Variants in NLGN1 observed in about 807,000 individuals in gnomAD.
NLGN1 encodes neuroligin 1.
NLGN1 carries 12 observed loss-of-function variants against 65.5 expected under a neutral mutation model. The observed-to-expected ratio is 0.18, with a 90% CI of 0.12 to 0.30. The LOEUF (loss-of-function observed/expected upper bound fraction) is 0.30, where lower values mean the gene tolerates loss of function less well. NLGN1 is among the 10% of genes least tolerant of loss of function. NLGN1 has a pLI of 1.00. For missense variants in NLGN1, 750 were observed against 1,007.1 expected, an observed-to-expected ratio of 0.74 and a Z score of 3.46; for synonymous variants, 350 against 359.5, an observed-to-expected ratio of 0.97 and a Z score of 0.30.
intron 3 of NLGN1, among the ~76,000 whole-genome samples, chr3:173,611,498 A>G (rs928017027): frequency 6.6e-6 from 1 of 152,098 alleles, no homozygotes; most frequent in African/African-American, 2.4e-5. Context: ...TGCTAGTAGA[A>G]AAATCACCAC....
chr3:174,091,901 G>A (rs1744589662), intron 4 of NLGN1, among the ~76,000 whole-genome samples: 2 of 152,054 alleles, frequency 1.3e-5, no homozygotes, highest in Admixed American at 6.6e-5. Context: ...AGTCCCAAAG[G>A]GAAGAGCAAT....
chr3:174,107,760 G>C (rs1356310693), intron 4 of NLGN1, among the ~76,000 whole-genome samples: 1 of 152,084 alleles, frequency 6.6e-6, no homozygotes, highest in Non-Finnish European at 1.5e-5. Context: ...CACCAGCAAT[G>C]TATGAGTGAT....
exon 4 of NLGN1, chr3:173,807,739 A>G (rs1716971200): frequency 1.2e-6 from 2 of 1,613,654 alleles, no homozygotes; most frequent in East Asian, 2.2e-5. Context: ...TGGCTCATAT[A>G]TGGAAGGTAC....
At chr3:173,799,680 C>T (rs576235443) in intron 3 of NLGN1, among the ~76,000 whole-genome samples, 1 of 151,744 alleles carries the variant, frequency 6.6e-6, no homozygotes, top group Non-Finnish European at 1.5e-5. Context: ...CTTAAATCCA[C>T]AAGTAATATT....
At chr3:174,284,176 A>T (rs913904738) in exon 7 of NLGN1, 1 of 151,308 alleles carries the variant, frequency 6.6e-6, no homozygotes, top group Non-Finnish European at 1.5e-5. Context: ...TTTATGGAAG[A>T]TAAAGCAGCC....
chr3:173,777,611 G>C (rs1780492471), intron 3 of NLGN1, among the ~76,000 whole-genome samples: 1 of 118,632 alleles, frequency 8.4e-6, no homozygotes, highest in Admixed American at 7.6e-5. Flanking sequence ...AATGTATTCT[G>C]TCTGTCTGTC....
At chr3:173,863,189 T>A (rs913316303) in intron 4 of NLGN1, among the ~76,000 whole-genome samples, 41 of 152,110 alleles carry the variant, frequency 2.7e-4, no homozygotes, top group Non-Finnish European at 7.4e-5. Context: ...TTTGTATATA[T>A]GTTCCTTTTT....
intron 3 of NLGN1, among the ~76,000 whole-genome samples, chr3:173,647,795 C>A (rs1758511762): frequency 6.6e-6 from 1 of 151,810 alleles, no homozygotes; most frequent in Non-Finnish European, 1.5e-5. Context: ...CTGCCAAAGC[C>A]AATAACATGA....
chr3:174,058,157 A>G (rs1736584327), intron 4 of NLGN1, among the ~76,000 whole-genome samples: 1 of 152,128 alleles, frequency 6.6e-6, no homozygotes, highest in African/African-American at 2.4e-5. Flanking sequence ...AGTGATTTCA[A>G]AGCCTTTCAT....
At chr3:173,662,662 T>C (rs1761096869) in intron 3 of NLGN1, among the ~76,000 whole-genome samples, 1 of 152,018 alleles carries the variant, frequency 6.6e-6, no homozygotes. Context: ...GCCATTAGCA[T>C]ATGATTTCAT....
chr3:174,016,239 C>G (rs560953098), intron 4 of NLGN1, among the ~76,000 whole-genome samples: 1 of 152,076 alleles, frequency 6.6e-6, no homozygotes, highest in African/African-American at 2.4e-5. Flanking sequence ...TGCTGAAGAC[C>G]GTTAGAGTGA....
intron 3 of NLGN1, among the ~76,000 whole-genome samples, chr3:173,799,136 T>C (rs1714836616): frequency 6.6e-6 from 1 of 152,138 alleles, no homozygotes; most frequent in South Asian, 2.1e-4. Flanking sequence ...TTTCTTTGAC[T>C]GTTATTTTAT....
At chr3:174,269,261 A>ATTGT (rs1227305072) in intron 4 of NLGN1, among the ~76,000 whole-genome samples, 2 of 151,974 alleles carry the variant, frequency 1.3e-5, no homozygotes, top group Non-Finnish European at 2.9e-5. Flanking sequence ...GTATATTCAC[A>ATTGT]TTGTTTAGCA....
chr3:173,654,829 C>G (rs911813476), intron 3 of NLGN1, among the ~76,000 whole-genome samples: 10 of 151,998 alleles, frequency 6.6e-5, no homozygotes, highest in African/African-American at 2.2e-4. Context: ...AGACAGATAT[C>G]CAGTTTGCAT....
chr3:174,138,573 G>T lies in NLGN1; in HGVS notation c.647-136742G>T, dbSNP rs532747982. On this transcript the variant is annotated intron_variant, in intron 4 of 6. Coordinates refer to ENST00000457714, the Ensembl canonical transcript of NLGN1. ...CCTCAGCCTCCCAAATAGCTGGGAC[G>T]ACAGGCCCCCGCCACCACGCCCGGC... Among the ~76,000 whole-genome samples, 784 of 151,524 alleles carry T rather than the reference G, an allele frequency of 5.2e-3. 18 individuals carry two copies. Among genetic ancestry groups the T allele is most frequent in the East Asian group, 0.015 (79 of 5,128 alleles).
rs57183549 is a variant in NLGN1 at position 173,835,580 on chromosome 3, TACACACAC to T, written c.646+27771_646+27778del. Among the ~76,000 whole-genome samples the T allele has an allele frequency of 6.2e-3, 907 of 146,494 alleles. 13 individuals carry two copies. Among genetic ancestry groups the T allele is most frequent in the African/African-American group, 0.021 (842 of 39,978 alleles). On this transcript the variant is annotated intron_variant, in intron 4 of 6. Transcript: ENST00000457714. The stretch of plus-strand genomic sequence containing the variant: ...ATGGATAATAATATGTTCAAACACA[TACACACAC>T]ACACACACACACACACACACACTTT...
intron 4 of NLGN1, among the ~76,000 whole-genome samples, chr3:173,987,479 G>T (rs1326584436): frequency 6.6e-6 from 1 of 152,104 alleles, no homozygotes; most frequent in African/African-American, 2.4e-5. Context: ...CTCAATATAA[G>T]AGGGTTGACA....
chr3:174,024,407 G>A (rs1160053650), intron 4 of NLGN1, among the ~76,000 whole-genome samples: 1 of 152,106 alleles, frequency 6.6e-6, no homozygotes, highest in Non-Finnish European at 1.5e-5. Context: ...AGAGGAATAG[G>A]TTATCTGCTA....
At chr3:173,468,053 A>G (rs552606974) in intron 2 of NLGN1, among the ~76,000 whole-genome samples, 1 of 152,240 alleles carries the variant, frequency 6.6e-6, no homozygotes, top group South Asian at 2.1e-4. Context: ...AGACAAACAC[A>G]TACTATACTG....
Sources: gnomAD v4.1 joint callset for allele counts (sites outside exome capture counted in the v4.1 genomes callset) on GRCh38, gnomAD v4.1.1 for gene constraint, MANE v1.5 for transcripts, NCBI Gene and HGNC (gene_info 2026-07-23, HGNC 2026-07-21) for gene names.